The following FAAH2 variants were observed in gnomAD, a reference collection of about 807,000 sequenced individuals.
The protein encoded by FAAH2 is fatty acid amide hydrolase 2.
FAAH2 carries 60 observed loss-of-function variants against 36.9 expected under a neutral mutation model. That is an observed-to-expected ratio of 1.63 (90% CI 1.32 to 2.02). The LOEUF is 2.02. FAAH2 is among the 30% of genes most tolerant of loss of function. FAAH2 has a pLI of 0.00. For synonymous variants in FAAH2, 214 were observed against 143.8 expected (o/e 1.49, Z -3.49); for missense variants, 689 against 397.5 (o/e 1.73, Z -6.23).
the FAAH2 span, among the ~76,000 whole-genome samples, chrX:57,259,458 G>A: frequency 1.8e-5 from 2 of 111,811 alleles, no homozygotes; most frequent in Admixed American, 1.9e-4. Flanking sequence ...TACAAGAGAA[G>A]GAAACTCTGC....
At chrX:57,468,874 A>C (rs5915036) in intron 10 of FAAH2, among the ~76,000 whole-genome samples, 1 of 110,825 alleles carries the variant, frequency 9.0e-6, no homozygotes, top group Non-Finnish European at 1.9e-5. Flanking sequence ...CACAAAAGAA[A>C]GCCCATCAGA....
intron 7 of FAAH2, among the ~76,000 whole-genome samples, chrX:57,425,298 C>G (rs747845414): frequency 9.0e-6 from 1 of 111,602 alleles, no homozygotes; most frequent in Non-Finnish European, 1.9e-5. Context: ...AAAATCTATT[C>G]GAGGAAATAG....
At chrX:57,320,508 G>A (rs1014714622) in intron 3 of FAAH2, among the ~76,000 whole-genome samples, 3 of 112,267 alleles carry the variant, frequency 2.7e-5, no homozygotes, top group Non-Finnish European at 5.6e-5. Flanking sequence ...TCATTAAAAA[G>A]TCAGGAAGCA....
At chrX:57,162,967 C>T in the FAAH2 span, among the ~76,000 whole-genome samples, 1 of 112,341 alleles carries the variant, frequency 8.9e-6, no homozygotes, top group Non-Finnish European at 1.9e-5. Context: ...TTTTTCTGTT[C>T]TGCTTTTTCC....
In FAAH2 at chrX:57,338,443, G is replaced by A. The variant is rs542336795; in HGVS notation, c.623-2828G>A. 7.2e-5 allele frequency among the ~76,000 whole-genome samples: 8 copies of A among 111,842 alleles called. No individual in the cohort carries two copies. The East Asian group carries it at 1.7e-3, about 24-fold the overall frequency. The stretch of plus-strand genomic sequence containing the variant: ...CTTCTTTTGTGGTGGAATGTCATCA[G>A]TTAAGGTGGGGCAGGACATTTTCAC... On this transcript the variant is annotated intron_variant, in intron 4 of 10. Coordinates refer to ENST00000374900, the MANE Select transcript of FAAH2 (RefSeq NM_174912.4).
chrX:57,184,760 A>G, the FAAH2 span, among the ~76,000 whole-genome samples: 3 of 112,237 alleles, frequency 2.7e-5, no homozygotes, highest in African/African-American at 9.7e-5. Flanking sequence ...GCAAGTATAT[A>G]ACACTTGAAG....
the FAAH2 span, among the ~76,000 whole-genome samples, chrX:57,172,316 C>G: frequency 9.0e-6 from 1 of 111,196 alleles, no homozygotes; most frequent in Non-Finnish European, 1.9e-5. Context: ...TCCCTTGTCC[C>G]CCTCACAGGG....
chrX:57,271,777 C>T, the FAAH2 span, among the ~76,000 whole-genome samples: 39,908 of 109,367 alleles, frequency 0.36, 6,306 homozygotes, highest in Middle Eastern at 0.61. Context: ...TAGATAAATC[C>T]ACAAAGATAG....
At chrX:57,196,912 A>T in the FAAH2 span, among the ~76,000 whole-genome samples, 2 of 111,083 alleles carry the variant, frequency 1.8e-5, no homozygotes, top group African/African-American at 3.3e-5. Flanking sequence ...TTGTATTTGG[A>T]CGTCTGCATC....
chrX:57,244,501 G>A, the FAAH2 span, among the ~76,000 whole-genome samples: 129 of 111,830 alleles, frequency 1.2e-3, no homozygotes, highest in African/African-American at 4.1e-3. Flanking sequence ...AGAGAGAAAG[G>A]TCGGGTTACC....
intron 4 of FAAH2, among the ~76,000 whole-genome samples, chrX:57,340,902 A>G (rs1041725145): frequency 9.0e-6 from 1 of 110,740 alleles, no homozygotes; most frequent in Non-Finnish European, 1.9e-5. Context: ...TGGCACGCAT[A>G]TACCTGTGTA....
the FAAH2 span, chrX:57,136,990 CCA>C: frequency 2.2e-6 from 2 of 892,023 alleles, no homozygotes; most frequent in Non-Finnish European, 2.8e-6. Flanking sequence ...TCTGTAACCC[CCA>C]CTGCCTATCC....
chrX:57,428,440 C>G (rs370501635), intron 7 of FAAH2, among the ~76,000 whole-genome samples: 1 of 111,590 alleles, frequency 9.0e-6, no homozygotes, highest in East Asian at 2.8e-4. Context: ...CCAAAACAAT[C>G]CTATGCAAAA....
At chrX:57,299,779 T>A (rs1009162464) in intron 2 of FAAH2, among the ~76,000 whole-genome samples, 20 of 111,905 alleles carry the variant, frequency 1.8e-4, no homozygotes, top group African/African-American at 5.5e-4. Context: ...AAAATCAATG[T>A]ACAAAAATCA....
At chrX:57,337,706 C>A (rs1383251021) in intron 4 of FAAH2, among the ~76,000 whole-genome samples, 1 of 111,939 alleles carries the variant, frequency 8.9e-6, no homozygotes, top group Non-Finnish European at 1.9e-5. Flanking sequence ...ATTCAACATC[C>A]CTTTATGTTA....
chrX:57,244,714 G>C, the FAAH2 span, among the ~76,000 whole-genome samples: 2 of 111,562 alleles, frequency 1.8e-5, no homozygotes, highest in African/African-American at 6.5e-5. Context: ...TGCCTTCCAA[G>C]AACTCCTGAA....
chrX:57,173,320 T>C, the FAAH2 span, among the ~76,000 whole-genome samples: 3 of 112,152 alleles, frequency 2.7e-5, no homozygotes, highest in African/African-American at 9.7e-5. Flanking sequence ...TACTCCTGGG[T>C]ATTTTATTTT....
At chrX:57,190,444 G>GA in the FAAH2 span, among the ~76,000 whole-genome samples, 16,984 of 68,759 alleles carry the variant, frequency 0.25, 1,870 homozygotes, top group Middle Eastern at 0.62. Context: ...CACTGTGGTA[G>GA]AAAAAAAAAA....
chrX:57,329,088 A>G (rs1237368574), intron 3 of FAAH2, among the ~76,000 whole-genome samples: 2 of 111,956 alleles, frequency 1.8e-5, no homozygotes, highest in East Asian at 5.7e-4. Flanking sequence ...CCACTGCAGT[A>G]TGTATGGGTT....
Sources: gnomAD v4.1 joint callset for allele counts (sites outside exome capture counted in the v4.1 genomes callset) on GRCh38, gnomAD v4.1.1 for gene constraint, MANE v1.5 for transcripts, NCBI Gene and HGNC (gene_info 2026-07-23, HGNC 2026-07-21) for gene names.